ARHGAP28: variants seen among roughly 807,000 people sequenced by gnomAD.
The protein encoded by ARHGAP28 is rho GTPase-activating protein 28.
Under a neutral mutation model 90.7 loss-of-function variants are expected in ARHGAP28, and 56 were observed. The observed-to-expected ratio is 0.62, with a 90% confidence interval of 0.50 to 0.77. ARHGAP28 has a LOEUF of 0.77. Ranked by LOEUF, ARHGAP28 falls within the 30% of genes least tolerant of loss-of-function variation. ARHGAP28 has a pLI of 0.00. For missense variants in ARHGAP28, 869 were observed against 900.9 expected, an observed-to-expected ratio of 0.96 and a Z score of 0.45; for synonymous variants, 308 against 323.3, an observed-to-expected ratio of 0.95 and a Z score of 0.51.
chr18:6,824,921 A>G lies in ARHGAP28; in HGVS notation c.282A>G (p.Gly94=). Residue 94 remains glycine, a synonymous_variant, in exon 2 of 18, where the codon GGA becomes GGG. Transcript: ENST00000383472. ...AAAGTATTAAAGACAGCAGCATGGGAGGGCAAGAAGAGCCACCGCCAGCTG... is the reference window on the plus strand; with the variant it reads ...AAAGTATTAAAGACAGCAGCATGGGGGGGCAAGAAGAGCCACCGCCAGCTG... ...EIESIKDSSM[G]GQEEPPPAEV... 2.6e-6 allele frequency: 4 copies of G among 1,535,806 alleles called. No homozygotes were observed. Among genetic ancestry groups the G allele is most frequent in the Non-Finnish European group, 3.5e-6 (4 of 1,146,784 alleles).
chr18:6,738,063 T>C (rs960871430), intron 1 of ARHGAP28, among the ~76,000 whole-genome samples: 1 of 152,130 alleles, frequency 6.6e-6, no homozygotes, highest in Non-Finnish European at 1.5e-5. Flanking sequence ...GATCCCTTAG[T>C]TGAATAGATG....
intron 1 of ARHGAP28, among the ~76,000 whole-genome samples, chr18:6,812,642 G>C (rs1298116999): frequency 1.3e-5 from 2 of 152,174 alleles, no homozygotes; most frequent in African/African-American, 4.8e-5. Context: ...TTCGTCTGCT[G>C]TCAGGGATTA....
chr18:6,748,924 G>A (rs1357992766), intron 1 of ARHGAP28, among the ~76,000 whole-genome samples: 1 of 152,124 alleles, frequency 6.6e-6, no homozygotes, highest in Non-Finnish European at 1.5e-5. Context: ...ACAGGAGACC[G>A]TCAGTCACTA....
In ARHGAP28 at chr18:6,735,674, C is replaced by T. The variant is rs182757862; in HGVS notation, c.122+5731C>T. ...GACCTAAGCAATCCTCCCATCTCAG[C>T]CTCCTGAGTCGCTGAGGCTACAGGC... On this transcript the variant is annotated intron_variant, in intron 1 of 17. Coordinates refer to ENST00000383472, the MANE Select transcript of ARHGAP28 (RefSeq NM_001366230.1). Among the ~76,000 whole-genome samples the T allele has an allele frequency of 1.7e-3, 256 of 152,072 alleles. 1 individual carries two copies. The highest frequency in any genetic ancestry group is 5.9e-3 in the African/African-American group (245 of 41,486).
At chr18:6,832,869 G>T in intron 2 of ARHGAP28, among the ~76,000 whole-genome samples, 1 of 152,100 alleles carries the variant, frequency 6.6e-6, no homozygotes, top group South Asian at 2.1e-4. Context: ...TGGTGTTGCT[G>T]TTCAGGCATT....
intron 1 of ARHGAP28, among the ~76,000 whole-genome samples, chr18:6,777,735 T>C (rs2056295727): frequency 6.7e-6 from 1 of 150,374 alleles, no homozygotes; most frequent in African/African-American, 2.4e-5. Context: ...AATGAATGAA[T>C]GAATGAATGA....
At chr18:6,783,959 A>G (rs1371064605) in intron 1 of ARHGAP28, among the ~76,000 whole-genome samples, 2 of 152,068 alleles carry the variant, frequency 1.3e-5, no homozygotes, top group Non-Finnish European at 2.9e-5. Flanking sequence ...AGGGCTGGTG[A>G]TGCCTCATCC....
intron 5 of ARHGAP28, among the ~76,000 whole-genome samples, chr18:6,862,588 G>T (rs930859867): frequency 6.6e-6 from 1 of 152,056 alleles, no homozygotes; most frequent in Non-Finnish European, 1.5e-5. Context: ...AATCTGTTAG[G>T]GTAAGTTCCC....
intron 11 of ARHGAP28, among the ~76,000 whole-genome samples, chr18:6,882,785 T>C (rs963489763): frequency 4.6e-5 from 7 of 152,238 alleles, no homozygotes; most frequent in African/African-American, 1.7e-4. Context: ...GAAGATAATA[T>C]GTCTCTGAAA....
chr18:6,864,727 G>A (rs753033162), intron 5 of ARHGAP28, among the ~76,000 whole-genome samples: 12 of 151,818 alleles, frequency 7.9e-5, no homozygotes, highest in Non-Finnish European at 1.6e-4. Flanking sequence ...CTTTGTCACC[G>A]AGGCTGGAGT....
In ARHGAP28 at chr18:6,824,879, T is replaced by C; in HGVS notation, c.240T>C (p.Asp80=). ...CCGTAGACAGCGCCTCCATGGAGGA[T>C]TTCTGGCGGGAAATAGAAAGTATTA... The part of the protein sequence containing the change: ...EASVDSASME[D]FWREIESIKD... Residue 80 remains aspartate (D), a synonymous_variant, in exon 2 of 18, where the codon GAT becomes GAC. Transcript: ENST00000383472. 1 of 1,536,180 alleles carries C rather than the reference T, an allele frequency of 6.5e-7. No individual in the cohort carries two copies. The highest frequency in any genetic ancestry group is 1.2e-5 in the South Asian group (1 of 84,048).
At chr18:6,737,889 C>T (rs185947868) in intron 1 of ARHGAP28, among the ~76,000 whole-genome samples, 34 of 152,280 alleles carry the variant, frequency 2.2e-4, no homozygotes, top group African/African-American at 7.9e-4. Context: ...TGTGTTATGT[C>T]ACTCTTCAAT....
chr18:6,901,638 A>G (rs967402983), intron 16 of ARHGAP28, among the ~76,000 whole-genome samples: 4 of 152,016 alleles, frequency 2.6e-5, no homozygotes, highest in Admixed American at 6.6e-5. Context: ...AAAAATCCCA[A>G]TTGAGGAACA....
At chr18:6,889,497 A>G (rs1398558133) in intron 12 of ARHGAP28, among the ~76,000 whole-genome samples, 2 of 152,138 alleles carry the variant, frequency 1.3e-5, no homozygotes, top group African/African-American at 2.4e-5. Context: ...AGTTAAGGGT[A>G]TTTTTCAGAA....
At chr18:6,859,471 T>C (rs1464007506) in intron 4 of ARHGAP28, among the ~76,000 whole-genome samples, 1 of 152,202 alleles carries the variant, frequency 6.6e-6, no homozygotes, top group African/African-American at 2.4e-5. Context: ...TTACACCTTG[T>C]CGGCCACGTG....
Position 6,729,789 on chromosome 18 carries a change from C to T in ARHGAP28, c.-33C>T. Reference sequence around the variant, plus strand: ...GTCCATGCTGGTCCCGGTCTTTGTTCTGGGGCCGGCGCCGAGACATGCGCG... The same window carrying T: ...GTCCATGCTGGTCCCGGTCTTTGTTTTGGGGCCGGCGCCGAGACATGCGCG... On this transcript the variant is annotated 5_prime_UTR_variant, in exon 1 of 18. Coordinates refer to ENST00000383472, the MANE Select transcript of ARHGAP28 (RefSeq NM_001366230.1). The T allele has an allele frequency of 7.3e-7, 1 of 1,373,240 alleles. No homozygotes were observed. Among genetic ancestry groups the T allele is most frequent in the Non-Finnish European group, 9.4e-7 (1 of 1,066,272 alleles). The allele number at this position is 1,373,240 out of a possible 1,614,324, so 85.1% of individuals were successfully genotyped here.
chr18:6,757,557 G>A (rs1246005929), intron 1 of ARHGAP28, among the ~76,000 whole-genome samples: 2 of 152,092 alleles, frequency 1.3e-5, no homozygotes, highest in African/African-American at 2.4e-5. Flanking sequence ...ATACAGATTT[G>A]GTAAAAGGAG....
chr18:6,751,810 G>T (rs1426914374), intron 1 of ARHGAP28, among the ~76,000 whole-genome samples: 1 of 152,120 alleles, frequency 6.6e-6, no homozygotes, highest in African/African-American at 2.4e-5. Flanking sequence ...AACATTTGCT[G>T]TATAATTTTC....
intron 1 of ARHGAP28, among the ~76,000 whole-genome samples, chr18:6,735,326 C>A (rs568902894): frequency 6.6e-6 from 1 of 152,144 alleles, no homozygotes; most frequent in African/African-American, 2.4e-5. Flanking sequence ...AACTAAACTA[C>A]GACCTATGTT....
Sources: allele counts gnomAD v4.1 joint callset (sites outside exome capture counted in the v4.1 genomes callset), GRCh38; gene constraint gnomAD v4.1.1; transcripts MANE v1.5; gene names NCBI Gene and HGNC (gene_info 2026-07-23, HGNC 2026-07-21).